RBM23: variants seen among roughly 807,000 people sequenced by gnomAD.
The protein encoded by RBM23 is probable RNA-binding protein 23.
A neutral mutation model predicts 56.2 loss-of-function variants in RBM23; 53 were observed. The observed-to-expected ratio is 0.94, with a 90% CI of 0.76 to 1.19. The LOEUF is 1.19. Among genes scored for constraint, RBM23 ranks in the 50% most tolerant of loss-of-function variants. The pLI, the probability that RBM23 is intolerant of heterozygous loss-of-function variation, is 0.00. For missense variants in RBM23, 642 were observed against 590.3 expected (o/e 1.09, Z -0.91); for synonymous variants, 197 against 198.5 (o/e 0.99, Z 0.06).
intron 2 of RBM23, among the ~76,000 whole-genome samples, chr14:22,909,801 T>C (rs569792642): frequency 2.6e-5 from 4 of 152,296 alleles, no homozygotes; most frequent in African/African-American, 7.2e-5. Flanking sequence ...TGACAGATTT[T>C]GATGTCAAAC....
Position 22,906,262 on chromosome 14 carries a change from C to G in RBM23, c.334G>C (p.Glu112Gln). 6.2e-7 allele frequency: 1 copy of G among 1,614,252 alleles called. No individual in the cohort carries two copies. The highest frequency in any genetic ancestry group is 8.5e-7 in the Non-Finnish European group (1 of 1,180,052). Residue 112 changes from glutamate to glutamine, a missense_variant, in exon 5 of 14, where the codon GAG (glutamate) becomes CAG (glutamine). Transcript: ENST00000359890. ...CGACGATGGTCCCGACTTCGCGACTCACTACCATGTCGACGATCCCAGCTA... is the reference window on the plus strand; with the variant it reads ...CGACGATGGTCCCGACTTCGCGACTGACTACCATGTCGACGATCCCAGCTA... ...SRSWDRRHGSESRSRDHRRED... is the reference protein window; with the variant it reads ...SRSWDRRHGSQSRSRDHRRED...
chr14:22,915,854 G>C (rs965391757), intron 1 of RBM23, among the ~76,000 whole-genome samples: 3 of 152,172 alleles, frequency 2.0e-5, no homozygotes, highest in African/African-American at 7.2e-5. Flanking sequence ...AAATGCTGCA[G>C]ACAGGTAATA....
Position 22,893,303 on chromosome 14 carries a change from A to G in RBM23, c.*8427T>C, listed in dbSNP as rs1255499328. 2 of 152,248 alleles carry G rather than the reference A, an allele frequency of 1.3e-5. No individual in the cohort carries two copies. The highest frequency in any genetic ancestry group is 2.9e-5 in the Non-Finnish European group (2 of 68,040). 9.4% of individuals were successfully genotyped at this position (152,248 alleles called of 1,614,324 possible). ...TTTTAATCTTTCATCCACAAATGCT[A>G]GAAGACATTTTGTTTCTCTCAAGTA... On this transcript the variant is annotated 3_prime_UTR_variant, in exon 14 of 14. Transcript: ENST00000359890.
rs1262360177 is a variant in RBM23, at chr14:22,893,713, A to G, written c.*8017T>C. ...CATGAGGAAAAGGCCCTTCCTATAA[A>G]GAAGGCAGCAAAATTTGGGTGGATG... On this transcript the variant is annotated 3_prime_UTR_variant, in exon 14 of 14. Transcript: ENST00000359890. The G allele has an allele frequency of 1.3e-5, 2 of 152,220 alleles. No homozygotes were observed. The highest frequency in any genetic ancestry group is 2.9e-5 in the Non-Finnish European group (2 of 68,044). 9.4% of individuals were successfully genotyped at this position (152,220 alleles called of 1,614,324 possible). A position where few individuals can be genotyped will look rare whatever the true frequency, so the allele number is the denominator to read the frequency against.
chr14:22,900,269 A>G lies in RBM23; in HGVS notation c.*1461T>C, dbSNP rs2040336612. On this transcript the variant is annotated 3_prime_UTR_variant, in exon 14 of 14. Transcript: ENST00000359890. ...ACAAAGAGGGTCAAAGGCAGGTACAAAGGCCAATAGAGTTAAGAAAGCTCA... is the reference window on the plus strand; with the variant it reads ...ACAAAGAGGGTCAAAGGCAGGTACAGAGGCCAATAGAGTTAAGAAAGCTCA... The G allele has an allele frequency of 6.6e-6, 1 of 152,174 alleles. No homozygotes were observed. Among genetic ancestry groups the G allele is most frequent in the African/African-American group, 2.4e-5 (1 of 41,418 alleles). The allele number at this position is 152,174 out of a possible 1,614,324, so 9.4% of individuals were successfully genotyped here. A position where few individuals can be genotyped will look rare whatever the true frequency, so the allele number is the denominator to read the frequency against.
At chr14:22,913,133 G>A (rs1242936599) in intron 1 of RBM23, among the ~76,000 whole-genome samples, 4 of 150,956 alleles carry the variant, frequency 2.6e-5, no homozygotes, top group African/African-American at 9.8e-5. Context: ...GGCACAAGAA[G>A]GCCGGGCGCG....
At position 22,901,464 on chromosome 14, in the gene RBM23, C is replaced by A. The variant is rs541685775; in HGVS notation, c.*266G>T. On this transcript the variant is annotated 3_prime_UTR_variant, in exon 14 of 14. Coordinates refer to ENST00000359890, the MANE Select transcript of RBM23 (RefSeq NM_001077351.2). ...AAGGGCAAGAAGGTAATCTCAGAGA[C>A]GATACACATGGAGAAACAGGTATTC... 1.5e-5 allele frequency: 9 copies of A among 582,458 alleles called. No homozygotes were observed. Among genetic ancestry groups the A allele is most frequent in the African/African-American group, 1.9e-5 (1 of 53,600 alleles). 36.1% of individuals were successfully genotyped at this position (582,458 alleles called of 1,614,324 possible).
At chr14:22,912,213 C>T (rs1273210355) in intron 1 of RBM23, among the ~76,000 whole-genome samples, 1 of 152,078 alleles carries the variant, frequency 6.6e-6, no homozygotes, top group Non-Finnish European at 1.5e-5. Context: ...CACATTATGT[C>T]CAATAAAAAG....
chr14:22,914,532 C>A (rs895161020), intron 1 of RBM23, among the ~76,000 whole-genome samples: 1 of 151,612 alleles, frequency 6.6e-6, no homozygotes, highest in African/African-American at 2.4e-5. Flanking sequence ...GATGGTTTCA[C>A]GGGTGTTTAA....
intron 10 of RBM23, chr14:22,902,868 G>A (rs2040851012): frequency 2.4e-6 from 2 of 850,256 alleles, no homozygotes; most frequent in Middle Eastern, 6.2e-4. Flanking sequence ...TCCATCTCCT[G>A]GGTTCAAGCA....
chr14:22,902,205 T>C lies in RBM23; in HGVS notation c.1108A>G (p.Met370Val), dbSNP rs746450357. 13 of 1,614,042 alleles carry C rather than the reference T, an allele frequency of 8.1e-6. No individual in the cohort carries two copies. The Admixed American group carries it at 8.3e-5, about 10-fold the overall frequency. The change falls in exon 11 of 14, where the codon ATG becomes GTG. Residue 370 changes from methionine to valine, a missense_variant. Physicochemically the swap from Met to Val is conservative, Grantham distance 21 (BLOSUM62 1). Coordinates refer to ENST00000359890, the MANE Select transcript of RBM23 (RefSeq NM_001077351.2). Reference sequence around the variant, plus strand: ...ATTTTACCTTCTGCCAGTTTTGCCATGAGCTGAAAACGTCCACCTGCTGAT... The same window carrying C: ...ATTTTACCTTCTGCCAGTTTTGCCACGAGCTGAAAACGTCCACCTGCTGAT... ...LGSAGGRFQL[M>V]AKLAEGAGIQ...
chr14:22,904,184 G>A (rs760333232), intron 10 of RBM23, 77 bp downstream of exon 10: 2 of 1,610,832 alleles, frequency 1.2e-6, no homozygotes, highest in Non-Finnish European at 1.7e-6. Context: ...AAAGGAGGAG[G>A]ATGAAGCTAA....
chr14:22,908,697 C>G (rs919644151), intron 3 of RBM23: 1 of 232,780 alleles, frequency 4.3e-6, no homozygotes, highest in Non-Finnish European at 8.4e-6. Flanking sequence ...GAGCACCGCG[C>G]CAGGTCAGGA....
At chr14:22,906,873 T>C (rs1254724111) in intron 4 of RBM23, among the ~76,000 whole-genome samples, 1 of 151,456 alleles carries the variant, frequency 6.6e-6, no homozygotes, top group African/African-American at 2.5e-5. Flanking sequence ...ACTCCGTCTC[T>C]ACTAAAAACA....
At chr14:22,907,145 T>C (rs1295533689) in intron 4 of RBM23, among the ~76,000 whole-genome samples, 1 of 145,938 alleles carries the variant, frequency 6.9e-6, no homozygotes, top group East Asian at 2.0e-4. Flanking sequence ...CTGCACTCCA[T>C]CCTGGGCAAC....
chr14:22,905,868 C>A (rs748214063), intron 5 of RBM23: 2 of 602,816 alleles, frequency 3.3e-6, no homozygotes, highest in Non-Finnish European at 5.8e-6. Context: ...CCCACCTCAG[C>A]CTCCTTGTGT....
At chr14:22,912,798 G>A (rs1050443797) in intron 1 of RBM23, among the ~76,000 whole-genome samples, 2 of 150,984 alleles carry the variant, frequency 1.3e-5, no homozygotes, top group Non-Finnish European at 2.9e-5. Context: ...TCAACATATC[G>A]AGACCATCTA....
rs200927613 is a variant in RBM23 at position 22,900,340 on chromosome 14, T to G, written c.*1390A>C. On this transcript the variant is annotated 3_prime_UTR_variant, in exon 14 of 14. Transcript: ENST00000359890. The stretch of plus-strand genomic sequence containing the variant: ...TCTTCAAGATCACAACCCCCCCCCC[T>G]CCCCGCCCCGCCCCACTAGAAAAAA... 1 of 62,762 alleles carries G rather than the reference T, an allele frequency of 1.6e-5. No individual in the cohort carries two copies. The highest frequency in any genetic ancestry group is 7.1e-4 in the East Asian group (1 of 1,414). 3.9% of individuals were successfully genotyped at this position (62,762 alleles called of 1,614,324 possible).
rs533510741 is a variant in RBM23, at chr14:22,908,393, G to C, written c.180-13C>G. The C allele has an allele frequency of 2.2e-5, 34 of 1,542,138 alleles. 1 individual carries two copies. The South Asian group carries it at 4.1e-4, about 19-fold the overall frequency. On this transcript the variant is annotated splice_polypyrimidine_tract_variant and intron_variant, in intron 3 of 13. Coordinates refer to ENST00000359890, the MANE Select transcript of RBM23 (RefSeq NM_001077351.2). ...ACTCCTCTTCTTCCTGTGAAAGAGA[G>C]TACATTCTTCTTTTTTTTTTTTTAA...
Sources: allele counts gnomAD v4.1 joint callset (sites outside exome capture counted in the v4.1 genomes callset), GRCh38; gene constraint gnomAD v4.1.1; transcripts MANE v1.5; gene names NCBI Gene and HGNC (gene_info 2026-07-23, HGNC 2026-07-21).